COL5A3: variants seen among roughly 807,000 people sequenced by gnomAD.
The protein encoded by COL5A3 is collagen alpha-3(V) chain.
In COL5A3, 172 loss-of-function variants were observed where a neutral mutation model predicts 250.0. That is an observed-to-expected ratio of 0.69 (90% CI 0.61 to 0.78). COL5A3 has a LOEUF of 0.78. Ranked by LOEUF, COL5A3 falls within the 30% of genes least tolerant of loss-of-function variation. The pLI, the probability that COL5A3 is intolerant of heterozygous loss-of-function variation, is 0.00. For synonymous variants in COL5A3, 937 were observed against 900.4 expected (o/e 1.04, Z -0.73); for missense variants, 2,340 against 2,334.4 (o/e 1.00, Z -0.05).
At chr19:10,007,855 G>C (rs993688095) in intron 1 of COL5A3, among the ~76,000 whole-genome samples, 1 of 145,096 alleles carries the variant, frequency 6.9e-6, no homozygotes, top group Non-Finnish European at 1.5e-5. Context: ...ATCCCTGCCC[G>C]CCCTCTCTCT....
intron 10 of COL5A3, among the ~76,000 whole-genome samples, chr19:9,997,673 C>T (rs554333747): frequency 6.6e-6 from 1 of 152,118 alleles, no homozygotes; most frequent in African/African-American, 2.4e-5. Flanking sequence ...GTGATCATAG[C>T]TCACTGCAGC....
chr19:9,993,494 T>C (rs2087225065), intron 18 of COL5A3, 61 bp from the exon 19 acceptor site: 19 of 1,594,720 alleles, frequency 1.2e-5, no homozygotes, highest in Non-Finnish European at 1.6e-5. Context: ...ACCAGCCCCC[T>C]GGGAAGGCAG....
intron 18 of COL5A3, 26 bp downstream of exon 18, chr19:9,993,593 T>A: frequency 6.2e-7 from 1 of 1,612,996 alleles, no homozygotes; most frequent in African/African-American, 1.3e-5. Context: ...GGGCTTAGAC[T>A]TGGGGGAGGG....
chr19:9,999,587 C>T (rs2145134788), intron 8 of COL5A3, among the ~76,000 whole-genome samples: 1 of 151,200 alleles, frequency 6.6e-6, no homozygotes, highest in African/African-American at 2.4e-5. Context: ...GCCTCAGCCT[C>T]CCGAGAAGCT....
intron 64 of COL5A3, among the ~76,000 whole-genome samples, chr19:9,965,628 T>C (rs1169376049): frequency 6.6e-6 from 1 of 151,842 alleles, no homozygotes; most frequent in Non-Finnish European, 1.5e-5. Flanking sequence ...GATTTTTTTA[T>C]TTTTAGTAGA....
chr19:9,999,267 T>C (rs2087319763), intron 8 of COL5A3, among the ~76,000 whole-genome samples: 1 of 150,840 alleles, frequency 6.6e-6, no homozygotes, highest in South Asian at 2.1e-4. Flanking sequence ...CATGGCTCAC[T>C]GCAACCTCGA....
chr19:9,970,707 C>T (rs2086833432), intron 53 of COL5A3, 32 bp from the exon 54 acceptor site: 1 of 1,400,956 alleles, frequency 7.1e-7, no homozygotes, highest in South Asian at 1.7e-5. Flanking sequence ...GCTGTGGTCT[C>T]AGCTAACATT....
chr19:9,970,482 AGTGG>A, intron 54 of COL5A3, 136 bp downstream of exon 54: 1 of 159,854 alleles, frequency 6.3e-6, no homozygotes, highest in Non-Finnish European at 1.0e-5. Context: ...CTGTGGGGTG[AGTGG>A]GGGCTGTGGA....
chr19:9,968,263 C>A lies in COL5A3; in HGVS notation c.4314+122G>T. On this transcript the variant is annotated intron_variant, in intron 59 of 66. Transcript: ENST00000264828. This position sits in a 1 kb window ranked among gnomAD's most constrained non-coding sequence, Gnocchi z 4.1. ...ACTTGCCAGTTCCCAGATACATCCC[C>A]CTATTTTCCCCACACACACCCTCAT... 9.9e-7 allele frequency: 1 copy of A among 1,008,772 alleles called. No individual in the cohort carries two copies. Among genetic ancestry groups the A allele is most frequent in the Non-Finnish European group, 1.5e-6 (1 of 664,646 alleles). 62.5% of individuals were successfully genotyped at this position (1,008,772 alleles called of 1,614,324 possible). A position where few individuals can be genotyped will look rare whatever the true frequency, so the allele number is the denominator to read the frequency against.
intron 8 of COL5A3, among the ~76,000 whole-genome samples, chr19:9,999,034 T>TTTTC (rs1555741026): frequency 3.9e-5 from 4 of 101,892 alleles, no homozygotes; most frequent in Non-Finnish European, 7.8e-5. Context: ...TTCTCTTTCT[T>TTTTC]TTTCTTTCTC....
chr19:9,977,309 C>A (rs1406297691), intron 43 of COL5A3, 27 bp from the exon 44 acceptor site: 5 of 1,613,732 alleles, frequency 3.1e-6, no homozygotes, highest in Non-Finnish European at 4.2e-6. Flanking sequence ...ATGAAGGACC[C>A]AGCTTCCATT....
At chr19:9,982,313 C>A (rs1397067186) in intron 31 of COL5A3, among the ~76,000 whole-genome samples, 195 bp from the exon 32 acceptor site, 1 of 152,126 alleles carries the variant, frequency 6.6e-6, no homozygotes, top group Non-Finnish European at 1.5e-5. Flanking sequence ...CATTTCACTG[C>A]AGCCCTTTGC....
rs746038054 is a variant in COL5A3, at chr19:9,971,300, G to A, written c.3775-42C>T. On this transcript the variant is annotated intron_variant, in intron 51 of 66. Transcript: ENST00000264828. ...TTAATAATCACATCTCTGAATTGTG[G>A]AGCAATCATGCATTTATGGAACAGA... 9 of 1,441,682 alleles carry A rather than the reference G, an allele frequency of 6.2e-6. No individual in the cohort carries two copies. The East Asian group carries it at 1.5e-4, about 24-fold the overall frequency. The allele number at this position is 1,441,682 out of a possible 1,614,324, so 89.3% of individuals were successfully genotyped here. A position where few individuals can be genotyped will look rare whatever the true frequency, so the allele number is the denominator to read the frequency against.
Position 9,982,084 on chromosome 19 carries a change from A to T in COL5A3, c.2441T>A (p.Ile814Lys), listed in dbSNP as rs148257942. The T allele has an allele frequency of 2.5e-6, 4 of 1,609,458 alleles. No homozygotes were observed. The highest frequency in any genetic ancestry group is 1.7e-6 in the Non-Finnish European group (2 of 1,177,510). ...SIGFPGPLGPIGEKGKSGKTG... is the reference protein window; with the variant it reads ...SIGFPGPLGPKGEKGKSGKTG... Reference sequence around the variant, plus strand: ...ACTCACCGACTTCCCTTTCTCTCCTATGGGTCCCAGGGGACCGGGAAATCC... The same window carrying T: ...ACTCACCGACTTCCCTTTCTCTCCTTTGGGTCCCAGGGGACCGGGAAATCC... Residue 814 changes from isoleucine (I) to lysine (K), a missense_variant, in exon 32 of 67, where the codon ATA becomes AAA. Around this residue, in one of 3 missense-constraint regions of COL5A3, gnomAD observed 1,152 missense variants for 1,146.3 expected, o/e 1.00. Coordinates refer to ENST00000264828, the MANE Select transcript of COL5A3 (RefSeq NM_015719.4).
Position 10,009,162 on chromosome 19 carries a change from GTGT to G in COL5A3, c.88+1133_88+1135del, listed in dbSNP as rs771270999. On this transcript the variant is annotated intron_variant, in intron 1 of 66. Transcript: ENST00000264828. The surrounding 1 kb of genome is among the most constrained non-coding windows in gnomAD (Gnocchi z 4.4). The stretch of plus-strand genomic sequence containing the variant: ...ACTCCAAAGTAAGAAGTGTGCTGTG[GTGT>G]GTGTGTGTGTGTGTGTGTGTGTGTG... Among the ~76,000 whole-genome samples the G allele has an allele frequency of 0.2, 2,276 of 11,316 alleles. 62 individuals are homozygous for G. Among genetic ancestry groups the G allele is most frequent in the African/African-American group, 0.35 (2,164 of 6,112 alleles). The allele number at this position is 11,316 out of a possible 152,430, so 7.4% of individuals were successfully genotyped here. A position where few individuals can be genotyped will look rare whatever the true frequency, so the allele number is the denominator to read the frequency against.
chr19:9,997,533 C>T (rs1176589703), intron 10 of COL5A3, 100 bp from the exon 11 acceptor site: 1 of 724,004 alleles, frequency 1.4e-6, no homozygotes, highest in African/African-American at 1.8e-5. Flanking sequence ...GACCTCCCTA[C>T]CCCACTACAG....
rs1481700008 is a variant in COL5A3 at position 9,969,265 on chromosome 19, C to T, written c.4152+84G>A. 4 of 1,221,350 alleles carry T rather than the reference C, an allele frequency of 3.3e-6. No homozygotes were observed. In the African/African-American group the frequency reaches 6.1e-5, roughly 19 times the overall value. The allele number at this position is 1,221,350 out of a possible 1,614,324, so 75.7% of individuals were successfully genotyped here. On this transcript the variant is annotated intron_variant, in intron 57 of 66. Coordinates refer to ENST00000264828, the MANE Select transcript of COL5A3 (RefSeq NM_015719.4). ...CAGATGGATGGTCAGTGAGGGCTAG[C>T]CTGCACCAATGCTCACTAGGTGGTC...
chr19:9,970,969 A>G lies in COL5A3; in HGVS notation c.3882+6T>C. ...TCAGCACCACACCCTCTGTTTTCCC[A>G]CTCACCGGTCCCCCAACATCACCAG... is the stretch of plus-strand genomic sequence containing the variant. On this transcript the variant is annotated splice_donor_region_variant and intron_variant, in intron 53 of 66. Coordinates refer to ENST00000264828, the MANE Select transcript of COL5A3 (RefSeq NM_015719.4). 1.3e-6 allele frequency: 2 copies of G among 1,556,810 alleles called. No homozygotes were observed. The highest frequency in any genetic ancestry group is 2.0e-5 in the Admixed American group (1 of 50,444).
At position 9,968,666 on chromosome 19, in the gene COL5A3, T is replaced by G; in HGVS notation, c.4206+9A>C. On this transcript the variant is annotated intron_variant, in intron 58 of 66. Coordinates refer to ENST00000264828, the MANE Select transcript of COL5A3 (RefSeq NM_015719.4). This position sits in a 1 kb window ranked among gnomAD's most constrained non-coding sequence, Gnocchi z 4.1. ...GATGGGGAAGAGAATAATGGAATGA[T>G]GTCCTTACCTTTTCCCCCTTGGGGC... 3 of 1,607,246 alleles carry G rather than the reference T, an allele frequency of 1.9e-6. No homozygotes were observed. Among genetic ancestry groups the G allele is most frequent in the Non-Finnish European group, 2.5e-6 (3 of 1,177,308 alleles).
Sources: gnomAD v4.1 joint callset for allele counts (sites outside exome capture counted in the v4.1 genomes callset) on GRCh38, gnomAD v4.1.1 for gene constraint, gnomAD v4.1.1 regional missense constraint, Gnocchi (gnomAD v3.1) non-coding constraint, MANE v1.5 for transcripts, NCBI Gene and HGNC (gene_info 2026-07-23, HGNC 2026-07-21) for gene names.